The following METTL25 variants were observed in gnomAD, a reference collection of about 807,000 sequenced individuals.
METTL25 encodes the protein probable methyltransferase-like protein 25.
A neutral mutation model predicts 71.6 loss-of-function variants in METTL25; 64 were observed. The observed-to-expected ratio is 0.89, with a 90% CI of 0.73 to 1.10. The LOEUF is 1.10. Ranked by LOEUF, METTL25 falls within the 50% of genes least tolerant of loss-of-function variation. The probability of loss-of-function intolerance (pLI) is 0.00; values close to 1 mark genes in which losing one functional copy is unlikely to be tolerated. For missense variants in METTL25, 807 were observed against 707.0 expected (o/e 1.14, Z -1.60); for synonymous variants, 287 against 250.3 (o/e 1.15, Z -1.38).
At chr12:82,465,738 T>A (rs973847252) in intron 9 of METTL25, among the ~76,000 whole-genome samples, 10 of 152,066 alleles carry the variant, frequency 6.6e-5, no homozygotes, top group Non-Finnish European at 1.5e-4. Context: ...CCTGGAACTT[T>A]CTTTGTTGGA....
rs865903037 is a variant in METTL25, at chr12:82,367,853, T to C, written c.259+9029T>C. ...CAAATAGGAGATAGCATGGAAAGAA[T>C]ATGGATTTTAGTGTCAGTCACACAT... On this transcript the variant is annotated intron_variant, in intron 1 of 11. Transcript: ENST00000248306. Among the ~76,000 whole-genome samples, 7 of 152,122 alleles carry C rather than the reference T, an allele frequency of 4.6e-5. No individual in the cohort carries two copies. The South Asian group carries it at 1.5e-3, about 32-fold the overall frequency.
At chr12:82,459,576 G>C (rs1395011616) in intron 9 of METTL25, among the ~76,000 whole-genome samples, 1 of 152,168 alleles carries the variant, frequency 6.6e-6, no homozygotes, top group African/African-American at 2.4e-5. Flanking sequence ...GCAGTGAGCT[G>C]TGCTTGTGCC....
At chr12:82,412,287 C>G (rs945406224) in intron 5 of METTL25, among the ~76,000 whole-genome samples, 3 of 152,086 alleles carry the variant, frequency 2.0e-5, no homozygotes, top group African/African-American at 7.2e-5. Context: ...TCCTTTCTTT[C>G]AAATTTTATA....
At chr12:82,446,431 C>T (rs1185072004) in intron 8 of METTL25, among the ~76,000 whole-genome samples, 1 of 151,930 alleles carries the variant, frequency 6.6e-6, no homozygotes, top group East Asian at 1.9e-4. Flanking sequence ...CAAAACAAGT[C>T]TCAACCAATT....
chr12:82,414,456 C>A (rs544786738), intron 5 of METTL25, among the ~76,000 whole-genome samples: 2 of 152,040 alleles, frequency 1.3e-5, no homozygotes, highest in African/African-American at 2.4e-5. Context: ...TTATTTTTTT[C>A]TTTAATTTGC....
At chr12:82,445,589 G>A (rs569189978) in intron 8 of METTL25, among the ~76,000 whole-genome samples, 4 of 152,186 alleles carry the variant, frequency 2.6e-5, no homozygotes, top group Admixed American at 2.0e-4. Flanking sequence ...TCTATTTTTC[G>A]TTGTCTTTAG....
intron 9 of METTL25, among the ~76,000 whole-genome samples, chr12:82,464,950 T>A (rs1892132131): frequency 6.6e-6 from 1 of 151,962 alleles, no homozygotes; most frequent in Non-Finnish European, 1.5e-5. Context: ...GTATGTTGAT[T>A]TTATGTTCTG....
chr12:82,476,280 T>C (rs1254510576), intron 9 of METTL25: 1 of 165,742 alleles, frequency 6.0e-6, no homozygotes, highest in East Asian at 1.8e-4. Flanking sequence ...CAAAATGTCT[T>C]GTTTTAGATA....
intron 9 of METTL25, among the ~76,000 whole-genome samples, chr12:82,475,179 A>G (rs559174685): frequency 1.2e-3 from 177 of 152,334 alleles, no homozygotes; most frequent in Admixed American, 2.9e-3. Context: ...TTATCTTACA[A>G]CTGCTGATCT....
intron 1 of METTL25, among the ~76,000 whole-genome samples, chr12:82,384,562 G>A (rs1884775706): frequency 6.6e-6 from 1 of 151,876 alleles, no homozygotes; most frequent in African/African-American, 2.4e-5. Context: ...TAAAACTAGG[G>A]TTAGACCAAA....
At chr12:82,366,487 C>T (rs1456236283) in intron 1 of METTL25, among the ~76,000 whole-genome samples, 1 of 152,066 alleles carries the variant, frequency 6.6e-6, no homozygotes, top group Non-Finnish European at 1.5e-5. Flanking sequence ...TGGTGATCAT[C>T]TGGTGTAATT....
chr12:82,363,013 C>G (rs1258789000), intron 1 of METTL25, among the ~76,000 whole-genome samples: 1 of 152,168 alleles, frequency 6.6e-6, no homozygotes. Context: ...CCCTGTAGAT[C>G]TAGCAGTGGA....
chr12:82,383,164 A>C (rs111812855), intron 1 of METTL25, among the ~76,000 whole-genome samples: 8 of 152,160 alleles, frequency 5.3e-5, no homozygotes, highest in African/African-American at 1.9e-4. Context: ...TCTGAGAGTC[A>C]GGTCTCCCTA....
chr12:82,464,547 A>G (rs1199387468), intron 9 of METTL25, among the ~76,000 whole-genome samples: 1 of 151,980 alleles, frequency 6.6e-6, no homozygotes, highest in Non-Finnish European at 1.5e-5. Context: ...TAGTAGTATG[A>G]TGCTTCCAGC....
chr12:82,376,362 C>T (rs1244253640), intron 1 of METTL25, among the ~76,000 whole-genome samples: 1 of 152,168 alleles, frequency 6.6e-6, no homozygotes, highest in Non-Finnish European at 1.5e-5. Context: ...TGATAATTCT[C>T]TGCAAGAAAT....
chr12:82,466,372 A>T (rs1892234288), intron 9 of METTL25, among the ~76,000 whole-genome samples: 1 of 148,464 alleles, frequency 6.7e-6, no homozygotes, highest in African/African-American at 2.5e-5. Flanking sequence ...GTCATTCAGG[A>T]GCATGTTTTT....
At chr12:82,439,062 T>C in intron 8 of METTL25, 1 of 229,706 alleles carries the variant, frequency 4.4e-6, no homozygotes, top group East Asian at 8.3e-5. Context: ...AGTATTAAAA[T>C]ATTAAATAGT....
intron 2 of METTL25, among the ~76,000 whole-genome samples, chr12:82,389,188 A>G (rs1028477001): frequency 1.1e-4 from 17 of 152,118 alleles, no homozygotes; most frequent in East Asian, 7.7e-4. Context: ...TAGTTCTGCA[A>G]TGAGGGAAAT....
At chr12:82,472,415 G>T (rs1028171790) in intron 9 of METTL25, among the ~76,000 whole-genome samples, 1 of 152,118 alleles carries the variant, frequency 6.6e-6, no homozygotes, top group African/African-American at 2.4e-5. Context: ...TGGCTAACAC[G>T]GTGAAACCCC....
Sources: gnomAD v4.1 joint callset for allele counts (sites outside exome capture counted in the v4.1 genomes callset) on GRCh38, gnomAD v4.1.1 for gene constraint, MANE v1.5 for transcripts, NCBI Gene and HGNC (gene_info 2026-07-23, HGNC 2026-07-21) for gene names.